The following KCMF1 variants were observed in gnomAD, a reference collection of about 807,000 sequenced individuals.
KCMF1 encodes the protein E3 ubiquitin-protein ligase KCMF1.
KCMF1 carries 3 observed loss-of-function variants against 41.1 expected under a neutral mutation model. That is an observed-to-expected ratio of 0.07 (90% CI 0.03 to 0.19). KCMF1 has a LOEUF of 0.19. Ranked by LOEUF, KCMF1 falls within the 10% of genes least tolerant of loss-of-function variation. The pLI is 1.00. For missense variants in KCMF1, 286 were observed against 488.9 expected, an observed-to-expected ratio of 0.58 and a Z score of 3.91; for synonymous variants, 142 against 164.5, an observed-to-expected ratio of 0.86 and a Z score of 1.04.
chr2:85,008,354 AATATATATT>A (rs1466020998), intron 1 of KCMF1, among the ~76,000 whole-genome samples: 3 of 56,464 alleles, frequency 5.3e-5, no homozygotes, highest in Non-Finnish European at 6.1e-5. Context: ...TATAATATAT[AATATATATT>A]ATATATCATA....
chr2:84,992,913 T>C (rs1674078333), intron 1 of KCMF1, among the ~76,000 whole-genome samples: 1 of 152,074 alleles, frequency 6.6e-6, no homozygotes, highest in African/African-American at 2.4e-5. Context: ...CCATAGACAG[T>C]ATCTTTCAGC....
At chr2:84,995,166 C>T (rs111537111) in intron 1 of KCMF1, among the ~76,000 whole-genome samples, 2,673 of 151,966 alleles carry the variant, frequency 0.018, 62 homozygotes, top group African/African-American at 0.061. Context: ...GGATTACAGG[C>T]GCCCACCACC....
chr2:84,980,950 C>G (rs1673727155), intron 1 of KCMF1, among the ~76,000 whole-genome samples: 1 of 151,886 alleles, frequency 6.6e-6, no homozygotes, highest in Admixed American at 6.6e-5. Context: ...CTAGCCTCAT[C>G]TCTTCTATGG....
At chr2:85,016,742 G>A (rs1457006480) in intron 1 of KCMF1, among the ~76,000 whole-genome samples, 1 of 150,644 alleles carries the variant, frequency 6.6e-6, no homozygotes, top group Admixed American at 6.6e-5. Flanking sequence ...ACTCAGGCTG[G>A]AGCACATTGG....
intron 6 of KCMF1, among the ~76,000 whole-genome samples, chr2:85,051,559 C>T (rs1396307750): frequency 1.3e-5 from 2 of 152,056 alleles, no homozygotes; most frequent in East Asian, 1.9e-4. Context: ...CTGGTTGTAG[C>T]TTCTTGAAAT....
chr2:85,028,973 A>T (rs983404069), intron 2 of KCMF1, among the ~76,000 whole-genome samples: 1 of 151,816 alleles, frequency 6.6e-6, no homozygotes, highest in Admixed American at 6.6e-5. Context: ...ATTTTATTTT[A>T]TTTTTTATTT....
At chr2:84,995,865 A>C (rs1674165756) in intron 1 of KCMF1, among the ~76,000 whole-genome samples, 1 of 152,226 alleles carries the variant, frequency 6.6e-6, no homozygotes, top group Non-Finnish European at 1.5e-5. Context: ...AAATGAAAAC[A>C]ATATGTGATA....
At chr2:85,005,839 T>C (rs758590578) in intron 1 of KCMF1, among the ~76,000 whole-genome samples, 8 of 152,118 alleles carry the variant, frequency 5.3e-5, no homozygotes, top group Non-Finnish European at 1.0e-4. Flanking sequence ...ATACATATAG[T>C]GTGTAATGAC....
At chr2:85,044,524 C>T (rs571870931) in intron 4 of KCMF1, among the ~76,000 whole-genome samples, 6 of 152,084 alleles carry the variant, frequency 3.9e-5, no homozygotes, top group South Asian at 4.2e-4. Flanking sequence ...TACAGGTGCC[C>T]GCCACCACAC....
chr2:84,999,805 A>G (rs1193841065), intron 1 of KCMF1, among the ~76,000 whole-genome samples: 1 of 152,234 alleles, frequency 6.6e-6, no homozygotes, highest in Non-Finnish European at 1.5e-5. Flanking sequence ...CATAGTCACT[A>G]GTGAGTTTGA....
chr2:85,032,471 G>T (rs1675300303), intron 2 of KCMF1, among the ~76,000 whole-genome samples: 1 of 151,896 alleles, frequency 6.6e-6, no homozygotes, highest in South Asian at 2.1e-4. Context: ...CTGCCTCCCG[G>T]GTTCAAGTGA....
chr2:84,984,285 G>A (rs2103969660), intron 1 of KCMF1, among the ~76,000 whole-genome samples: 1 of 152,108 alleles, frequency 6.6e-6, no homozygotes, highest in African/African-American at 2.4e-5. Flanking sequence ...ATTTTTTGTA[G>A]GGATGGGGTC....
chr2:85,008,335 AAT>A (rs370170870), intron 1 of KCMF1, among the ~76,000 whole-genome samples: 307 of 14,942 alleles, frequency 0.021, 12 homozygotes, highest in African/African-American at 0.029. Flanking sequence ...TATAATATAT[AAT>A]ATGATATATA....
At chr2:85,033,343 AATTTT>A (rs1180939404) in intron 2 of KCMF1, among the ~76,000 whole-genome samples, 1 of 152,058 alleles carries the variant, frequency 6.6e-6, no homozygotes, top group African/African-American at 2.4e-5. Context: ...AATATACTTT[AATTTT>A]ATTTTATGTT....
chr2:84,974,239 GT>G (rs1673473680), intron 1 of KCMF1, among the ~76,000 whole-genome samples: 1 of 152,160 alleles, frequency 6.6e-6, no homozygotes, highest in Non-Finnish European at 1.5e-5. Flanking sequence ...GGATATAATA[GT>G]CTGGTAAAAG....
intron 1 of KCMF1, among the ~76,000 whole-genome samples, chr2:85,014,233 A>G (rs1002438870): frequency 1.3e-5 from 2 of 152,228 alleles, no homozygotes; most frequent in African/African-American, 4.8e-5. Flanking sequence ...AAGTTGTGTA[A>G]TTAGTAGAAT....
intron 1 of KCMF1, among the ~76,000 whole-genome samples, chr2:84,975,457 C>A (rs778560059): frequency 6.6e-6 from 1 of 152,130 alleles, no homozygotes; most frequent in Non-Finnish European, 1.5e-5. Context: ...TTCAGCAGCA[C>A]CATGAGGAAT....
intron 1 of KCMF1, among the ~76,000 whole-genome samples, chr2:84,998,195 A>T: frequency 7.2e-6 from 1 of 139,002 alleles, no homozygotes; most frequent in African/African-American, 2.7e-5. Flanking sequence ...AGGTTCAAGC[A>T]CTTCTCCTGC....
chr2:85,020,044 A>C (rs1674891914), intron 1 of KCMF1, among the ~76,000 whole-genome samples: 1 of 152,154 alleles, frequency 6.6e-6, no homozygotes, highest in South Asian at 2.1e-4. Context: ...CCTATCCCTT[A>C]TGTGAACCAT....
Sources: allele counts gnomAD v4.1 joint callset (sites outside exome capture counted in the v4.1 genomes callset), GRCh38; gene constraint gnomAD v4.1.1; transcripts MANE v1.5; gene names NCBI Gene and HGNC (gene_info 2026-07-23, HGNC 2026-07-21).